Variants in ANXA11 observed in about 807,000 individuals in gnomAD.
The protein encoded by ANXA11 is 56 kDa autoantigen.
ANXA11 carries 57 observed loss-of-function variants against 64.7 expected under a neutral mutation model. The ratio of observed to expected loss-of-function variants is 0.88; its 90% confidence interval spans 0.71 to 1.10. The LOEUF (loss-of-function observed/expected upper bound fraction) is 1.10, where lower values mean the gene tolerates loss of function less well. Ranked by LOEUF, ANXA11 falls within the 50% of genes least tolerant of loss-of-function variation. The pLI is 0.00. For missense variants in ANXA11, 675 were observed against 670.7 expected, an observed-to-expected ratio of 1.01 and a Z score of -0.07; for synonymous variants, 260 against 265.2, an observed-to-expected ratio of 0.98 and a Z score of 0.19.
In ANXA11 at chr10:80,167,280, C is replaced by T. The variant is rs200982603; in HGVS notation, c.595G>A (p.Gly199Ser). The change falls in exon 6 of 16, where the codon GGC (glycine) becomes AGC (serine). Residue 199 changes from glycine to serine, a missense_variant. By Grantham distance (56) the Gly-to-Ser change is moderately conservative. Coordinates refer to ENST00000422982, the MANE Select transcript of ANXA11 (RefSeq NM_145868.2). ...GSRGTITDAP[G>S]FDPLRDAEVL... Reference sequence around the variant, plus strand: ...TCGGCATCTCGCAGGGGGTCAAAGCCGGGAGCATCAGTGATGGTGCCTCGG... The same window carrying T: ...TCGGCATCTCGCAGGGGGTCAAAGCTGGGAGCATCAGTGATGGTGCCTCGG... 64 of 1,614,098 alleles carry T rather than the reference C, an allele frequency of 4.0e-5. No individual in the cohort carries two copies. The highest frequency in any genetic ancestry group is 3.3e-4 in the Admixed American group (20 of 60,020).
At chr10:80,166,015 C>T (rs1054946789) in intron 8 of ANXA11, 69 bp downstream of exon 8, 22 of 1,000,792 alleles carry the variant, frequency 2.2e-5, no homozygotes, top group African/African-American at 8.3e-5. Context: ...TGTGTCCACA[C>T]GCATGCGCGC....
intron 6 of ANXA11, 70 bp from the exon 7 acceptor site, chr10:80,167,054 GCCTGGGC>G: frequency 7.3e-7 from 1 of 1,375,514 alleles, no homozygotes; most frequent in Non-Finnish European, 1.0e-6. Flanking sequence ...GACTTCCCTG[GCCTGGGC>G]CCCTCAACTG....
intron 1 of ANXA11, among the ~76,000 whole-genome samples, chr10:80,202,816 C>A (rs890681899): frequency 6.6e-6 from 1 of 151,996 alleles, no homozygotes; most frequent in Non-Finnish European, 1.5e-5. Context: ...GAGACTGAGG[C>A]AGGCAGATCA....
intron 1 of ANXA11, among the ~76,000 whole-genome samples, chr10:80,193,700 CTGGCGTGG>C (rs1308543339): frequency 1.3e-5 from 2 of 150,040 alleles, no homozygotes; most frequent in African/African-American, 4.9e-5. Flanking sequence ...AGAAAGTAGT[CTGGCGTGG>C]TGGCGCATGC....
At chr10:80,171,419 G>A (rs1003442567) in intron 3 of ANXA11, 10 of 376,302 alleles carry the variant, frequency 2.7e-5, no homozygotes, top group African/African-American at 2.0e-4. Context: ...ATGGGGCTGG[G>A]TCATGGTAAA....
At chr10:80,180,522 C>A (rs1433083856) in intron 1 of ANXA11, among the ~76,000 whole-genome samples, 1 of 152,284 alleles carries the variant, frequency 6.6e-6, no homozygotes, top group South Asian at 2.1e-4. Context: ...AGCAGTGACA[C>A]CCCCTGCCCC....
chr10:80,191,827 G>T (rs1001956866), intron 1 of ANXA11, among the ~76,000 whole-genome samples: 8 of 152,178 alleles, frequency 5.3e-5, no homozygotes, highest in Non-Finnish European at 1.0e-4. Flanking sequence ...CCTCACAACC[G>T]GATGCCAGAG....
At chr10:80,163,655 T>A in intron 9 of ANXA11, 42 bp from the exon 10 acceptor site, 2 of 1,507,424 alleles carry the variant, frequency 1.3e-6, no homozygotes, top group Non-Finnish European at 1.8e-6. Flanking sequence ...GTAGCTCTCT[T>A]TATGGAGCTG....
Position 80,187,569 on chromosome 10 carries a change from A to ACTCT in ANXA11, c.-57-11418_-57-11415dup, listed in dbSNP as rs796909130. ...TGCACACACACACACACACACACAC[A>ACTCT]CTCTCTCTCTCTCTCACACACTCCC... On this transcript the variant is annotated intron_variant, in intron 1 of 15. Coordinates refer to ENST00000422982, the MANE Select transcript of ANXA11 (RefSeq NM_145868.2). 9.3e-3 allele frequency among the ~76,000 whole-genome samples: 1,108 copies of ACTCT among 118,876 alleles called. 9 individuals are homozygous for ACTCT. Among genetic ancestry groups the ACTCT allele is most frequent in the African/African-American group, 0.031 (1,064 of 34,074 alleles). 78.0% of individuals were successfully genotyped at this position (118,876 alleles called of 152,430 possible).
At chr10:80,180,088 C>T (rs1008426154) in intron 1 of ANXA11, among the ~76,000 whole-genome samples, 2 of 152,180 alleles carry the variant, frequency 1.3e-5, no homozygotes, top group South Asian at 2.1e-4. Flanking sequence ...GTTACGTGTA[C>T]GTAAGTGTAC....
At position 80,169,357 on chromosome 10, in the gene ANXA11, G is replaced by A. The variant is rs761377370; in HGVS notation, c.173C>T (p.Ala58Val). ...QFNQDYLSGM[A>V]ANMSGTFGGA... ...TCCAAATGTCCCAGACATGTTGGCC[G>A]CCTGCAAGGACACAAAGCAGAGCCT... Residue 58 changes from alanine to valine, a missense_variant and splice_region_variant, in exon 5 of 16, where the codon GCG (alanine) becomes GTG (valine). By Grantham distance (64) the Ala-to-Val change is moderately conservative. Transcript: ENST00000422982. 30 of 1,604,270 alleles carry A rather than the reference G, an allele frequency of 1.9e-5. No individual in the cohort carries two copies. The highest frequency in any genetic ancestry group is 1.8e-4 in the Admixed American group (11 of 59,942).
At chr10:80,204,117 C>T (rs991757386) in intron 1 of ANXA11, among the ~76,000 whole-genome samples, 1 of 152,180 alleles carries the variant, frequency 6.6e-6, no homozygotes, top group Admixed American at 6.5e-5. Context: ...TTACTATTAC[C>T]CCCATTTTAC....
chr10:80,195,984 A>C (rs1240927783), intron 1 of ANXA11, among the ~76,000 whole-genome samples: 1 of 152,136 alleles, frequency 6.6e-6, no homozygotes, highest in Non-Finnish European at 1.5e-5. Context: ...ACCATACCAT[A>C]TCTCTTTCAG....
At position 80,164,100 on chromosome 10, in the gene ANXA11, G is replaced by C. The variant is rs111953485; in HGVS notation, c.902C>G (p.Ser301Cys). The change falls in exon 9 of 16, where the codon TCC becomes TGC. Residue 301 changes from serine (S) to cysteine (C), a missense_variant. By Grantham distance (112) the Ser-to-Cys change is moderately radical (BLOSUM62 -1). Transcript: ENST00000422982. ...DEACLIEILA[S>C]RSNEHIRELN... ...TTCTCGGATGTGCTCATTGCTGCGG[G>C]AAGCGAGGATCTCAATCAGGCAGGC... 3.7e-6 allele frequency: 6 copies of C among 1,614,048 alleles called. No individual in the cohort carries two copies. The African/African-American group carries it at 4.0e-5, about 11-fold the overall frequency.
In ANXA11 at chr10:80,169,307, G is replaced by C. The variant is rs1424872965; in HGVS notation, c.223C>G (p.Pro75Ala). 1.2e-6 allele frequency: 2 copies of C among 1,610,934 alleles called. No individual in the cohort carries two copies. The highest frequency in any genetic ancestry group is 1.7e-6 in the Non-Finnish European group (2 of 1,179,820). The change falls in exon 5 of 16, where the codon CCT becomes GCT. Residue 75 changes from proline (P) to alanine (A), a missense_variant. Pro to Ala is a conservative substitution (Grantham distance 27, BLOSUM62 -1). Coordinates refer to ENST00000422982, the MANE Select transcript of ANXA11 (RefSeq NM_145868.2). ...FGGANMPNLY[P>A]GAPGAGYPPV... ...GGGTAGCCAGCCCCAGGGGCCCCAG[G>C]GTACAGGTTGGGCATGTTGGCTCCT...
chr10:80,166,800 C>T (rs1845757034), intron 7 of ANXA11, 90 bp downstream of exon 7: 10 of 1,013,058 alleles, frequency 9.9e-6, no homozygotes, highest in South Asian at 5.8e-5. Context: ...CCGGGAGATC[C>T]GGGCCCACCC....
intron 7 of ANXA11, chr10:80,166,408 T>A: frequency 3.7e-6 from 2 of 541,200 alleles, no homozygotes; most frequent in Admixed American, 3.3e-5. Flanking sequence ...AGGGGATCGG[T>A]GACACAATGA....
chr10:80,166,020 G>T (rs1845706414), intron 8 of ANXA11, 64 bp downstream of exon 8: 1 of 1,030,360 alleles, frequency 9.7e-7, no homozygotes, highest in Non-Finnish European at 1.5e-6. Context: ...CCACACGCAT[G>T]CGCGCGTGCG....
At chr10:80,197,281 G>A (rs1306219375) in intron 1 of ANXA11, among the ~76,000 whole-genome samples, 4 of 152,162 alleles carry the variant, frequency 2.6e-5, no homozygotes, top group African/African-American at 9.7e-5. Context: ...CTGGAGAATG[G>A]ACTTGAGAAA....
Sources: gnomAD v4.1 joint callset for allele counts (sites outside exome capture counted in the v4.1 genomes callset) on GRCh38, gnomAD v4.1.1 for gene constraint, MANE v1.5 for transcripts, NCBI Gene and HGNC (gene_info 2026-07-23, HGNC 2026-07-21) for gene names.